The following EHD1 variants were observed in gnomAD, a reference collection of about 807,000 sequenced individuals.
EHD1 encodes the protein EH domain-containing protein 1.
A neutral mutation model predicts 39.0 loss-of-function variants in EHD1; 19 were observed. That is an observed-to-expected ratio of 0.49 (90% CI 0.34 to 0.72). The LOEUF (loss-of-function observed/expected upper bound fraction) is 0.72. Ranked by LOEUF, EHD1 falls within the 30% of genes least tolerant of loss-of-function variation. The pLI is 0.01. For missense variants in EHD1, 542 were observed against 751.5 expected (o/e 0.72, Z 3.26); for synonymous variants, 323 against 331.2 (o/e 0.98, Z 0.27).
intron 2 of EHD1, among the ~76,000 whole-genome samples, chr11:64,869,550 G>A (rs932499811): frequency 2.6e-5 from 4 of 152,234 alleles, no homozygotes; most frequent in African/African-American, 9.6e-5. Flanking sequence ...CCAGGCACTA[G>A]GGCAAGAGCT....
chr11:64,878,192 C>CT lies in EHD1; in HGVS notation c.272dup (p.Pro92AlafsTer15). ...CGGCGATGAAGGAGTCGGTGGTGGGCTCGGGCCCGATGCGCATCCCCGGGA... is the reference window on the plus strand; with the variant it reads ...CGGCGATGAAGGAGTCGGTGGTGGGCTTCGGGCCCGATGCGCATCCCCGGGA... On this transcript the variant is annotated frameshift_variant, in exon 1 of 5. Transcript: ENST00000320631. LOFTEE classifies it high-confidence loss of function. 1 of 1,611,492 alleles carries CT rather than the reference C, an allele frequency of 6.2e-7. No homozygotes were observed. Among genetic ancestry groups the CT allele is most frequent in the Non-Finnish European group, 8.5e-7 (1 of 1,177,990 alleles).
At chr11:64,870,798 T>C (rs1296057320) in intron 2 of EHD1, among the ~76,000 whole-genome samples, 2 of 152,144 alleles carry the variant, frequency 1.3e-5, no homozygotes, top group African/African-American at 4.8e-5. Context: ...GGAATGCCCT[T>C]ATCAGTCACA....
At chr11:64,855,298 C>A in intron 4 of EHD1, 24 bp downstream of exon 4, 1 of 1,610,230 alleles carries the variant, frequency 6.2e-7, no homozygotes, top group Non-Finnish European at 8.5e-7. Flanking sequence ...CACCAGCCTG[C>A]ATGGGGCCTC....
chr11:64,878,476 C>A lies in EHD1; in HGVS notation c.-12G>T. 6.3e-7 allele frequency: 1 copy of A among 1,591,032 alleles called. No individual in the cohort carries two copies. The highest frequency in any genetic ancestry group is 8.6e-7 in the Non-Finnish European group (1 of 1,169,280). The stretch of plus-strand genomic sequence containing the variant: ...ACCCAGCTGAACATACTGCCGGACA[C>A]GGGGCTGGCTGCTGCGGGGCAGAGC... On this transcript the variant is annotated 5_prime_UTR_variant, in exon 1 of 5. Transcript: ENST00000320631.
chr11:64,855,632 C>CGTG, intron 3 of EHD1, 146 bp from the exon 4 acceptor site: 1 of 1,174,902 alleles, frequency 8.5e-7, no homozygotes, highest in Non-Finnish European at 1.2e-6. Flanking sequence ...AGGCCGCTAC[C>CGTG]ACCACCGGCT....
chr11:64,865,966 TA>T (rs1943762724), intron 2 of EHD1, among the ~76,000 whole-genome samples: 2 of 152,170 alleles, frequency 1.3e-5, no homozygotes, highest in African/African-American at 4.8e-5. Flanking sequence ...TCAAAGAATT[TA>T]AAACAGAACT....
intron 2 of EHD1, among the ~76,000 whole-genome samples, chr11:64,863,704 C>T (rs1452513883): frequency 6.6e-6 from 1 of 152,246 alleles, no homozygotes; most frequent in Non-Finnish European, 1.5e-5. Context: ...GGCGCGGAGC[C>T]CCTCCCCACA....
At chr11:64,861,731 G>A (rs1943718678) in intron 2 of EHD1, among the ~76,000 whole-genome samples, 1 of 152,162 alleles carries the variant, frequency 6.6e-6, no homozygotes, top group Admixed American at 6.5e-5. Flanking sequence ...GGTCTGCAAA[G>A]CTGGAAGTAT....
At chr11:64,876,013 G>T (rs1169383766) in intron 1 of EHD1, among the ~76,000 whole-genome samples, 3 of 152,208 alleles carry the variant, frequency 2.0e-5, no homozygotes. Flanking sequence ...GCTCTGCAGA[G>T]CCCAGGGTAT....
chr11:64,877,260 GAGAC>G (rs1943894925), intron 1 of EHD1, among the ~76,000 whole-genome samples: 2 of 152,182 alleles, frequency 1.3e-5, no homozygotes. Flanking sequence ...TCACAGCACT[GAGAC>G]AGGCAGAGTC....
intron 2 of EHD1, among the ~76,000 whole-genome samples, chr11:64,864,236 G>C (rs1306951335): frequency 6.6e-6 from 1 of 152,272 alleles, no homozygotes; most frequent in African/African-American, 2.4e-5. Flanking sequence ...TGGACGGGGA[G>C]GCCCGATCAG....
In EHD1 at chr11:64,854,499, A is replaced by T; in HGVS notation, c.1439T>A (p.Val480Glu). The change falls in exon 5 of 5, where the codon GTG becomes GAG. Residue 480 changes from valine to glutamate, a missense_variant. Transcript: ENST00000320631. ...GGCCAGCTTCCAGATCTTCCCTAGC[A>T]CGGTGTTGGGGAGCTTGGACTTCAC... ...EMVKSKLPNT[V>E]LGKIWKLADV... 1 of 1,614,118 alleles carries T rather than the reference A, an allele frequency of 6.2e-7. No individual in the cohort carries two copies. The highest frequency in any genetic ancestry group is 1.6e-4 in the Middle Eastern group (1 of 6,062).
At chr11:64,870,688 G>A (rs1210344240) in intron 2 of EHD1, among the ~76,000 whole-genome samples, 3 of 152,216 alleles carry the variant, frequency 2.0e-5, no homozygotes, top group African/African-American at 4.8e-5. Context: ...CAGAGGCCCC[G>A]CCGGGGGATG....
intron 2 of EHD1, 112 bp from the exon 3 acceptor site, chr11:64,860,448 C>T: frequency 7.1e-7 from 1 of 1,407,686 alleles, no homozygotes; most frequent in Non-Finnish European, 9.4e-7. Context: ...TTTAAAATTC[C>T]TATAGGCCGG....
At chr11:64,858,021 A>C (rs1943672016) in intron 3 of EHD1, among the ~76,000 whole-genome samples, 2 of 133,514 alleles carry the variant, frequency 1.5e-5, no homozygotes, top group African/African-American at 2.6e-5. Context: ...AGCTACGGCA[A>C]GGGCCTTTTT....
At chr11:64,855,749 T>C (rs1943644409) in intron 3 of EHD1, 2 of 508,966 alleles carry the variant, frequency 3.9e-6, no homozygotes, top group Admixed American at 3.3e-5. Context: ...GACAACAGCC[T>C]TGGCCTTGCA....
In EHD1 at chr11:64,878,181, T is replaced by C; in HGVS notation, c.284A>G (p.Asp95Gly). 6.2e-7 allele frequency: 1 copy of C among 1,604,888 alleles called. No homozygotes were observed. The highest frequency in any genetic ancestry group is 8.5e-7 in the Non-Finnish European group (1 of 1,172,904). The change falls in exon 1 of 5, where the codon GAC (aspartate) becomes GGC (glycine). Residue 95 changes from aspartate (D) to glycine (G), a missense_variant. Physicochemically the swap from Asp to Gly is moderately conservative, Grantham distance 94. Coordinates refer to ENST00000320631, the MANE Select transcript of EHD1 (RefSeq NM_006795.4). Reference sequence around the variant, plus strand: ...GCCGTGCATGACGGCGATGAAGGAGTCGGTGGTGGGCTCGGGCCCGATGCG... The same window carrying C: ...GCCGTGCATGACGGCGATGAAGGAGCCGGTGGTGGGCTCGGGCCCGATGCG... The part of the protein sequence containing the change: ...GMRIGPEPTT[D>G]SFIAVMHGPT...
At chr11:64,864,351 A>C (rs1257035763) in intron 2 of EHD1, among the ~76,000 whole-genome samples, 1 of 152,258 alleles carries the variant, frequency 6.6e-6, no homozygotes, top group Non-Finnish European at 1.5e-5. Context: ...ATGCCACCAC[A>C]GGCTCCTGCT....
intron 2 of EHD1, among the ~76,000 whole-genome samples, chr11:64,864,661 G>A (rs1943749377): frequency 6.6e-6 from 1 of 152,238 alleles, no homozygotes; most frequent in Non-Finnish European, 1.5e-5. Flanking sequence ...TCAGCAAAAA[G>A]GGGGCCCAGC....
Sources: gnomAD v4.1 joint callset for allele counts (sites outside exome capture counted in the v4.1 genomes callset) on GRCh38, gnomAD v4.1.1 for gene constraint, MANE v1.5 for transcripts, NCBI Gene and HGNC (gene_info 2026-07-23, HGNC 2026-07-21) for gene names.